Variants in LCLAT1 observed in about 807,000 individuals in gnomAD.
LCLAT1 encodes the protein 1-AGP acyltransferase 8.
A neutral mutation model predicts 30.7 loss-of-function variants in LCLAT1; 11 were observed. The ratio of observed to expected loss-of-function variants is 0.36; its 90% CI spans 0.23 to 0.59. The LOEUF is 0.59. Among genes scored for constraint, LCLAT1 ranks in the 20% least tolerant of loss-of-function variants. The pLI is 0.77. For synonymous variants in LCLAT1, 155 were observed against 151.3 expected (o/e 1.02, Z -0.18); for missense variants, 402 against 458.6 (o/e 0.88, Z 1.13).
chr2:30,617,478 A>T (rs1036469217), intron 5 of LCLAT1, among the ~76,000 whole-genome samples: 1 of 152,224 alleles, frequency 6.6e-6, no homozygotes, highest in Non-Finnish European at 1.5e-5. Context: ...GATACTATGT[A>T]TAAAATTGCT....
intron 1 of LCLAT1, among the ~76,000 whole-genome samples, chr2:30,455,909 CAAAAAAAAAAAA>C (rs3060184): frequency 1.6e-5 from 1 of 61,000 alleles, no homozygotes; most frequent in East Asian, 5.7e-4. Context: ...GACCCTATAT[CAAAAAAAAAAAA>C]AAAAAAAAAA....
intron 1 of LCLAT1, among the ~76,000 whole-genome samples, chr2:30,511,240 C>T (rs1488548745): frequency 6.6e-6 from 1 of 152,136 alleles, no homozygotes; most frequent in African/African-American, 2.4e-5. Context: ...TTTTCGAACT[C>T]CTGACCTCAA....
chr2:30,459,733 G>A lies in LCLAT1; in HGVS notation c.-5+12350G>A, dbSNP rs760723164. ...CTCTAAAAGCTTTGGGTAAGTCTTT[G>A]TAATGATTTAGATGCTTGAGGTTTT... On this transcript the variant is annotated intron_variant, in intron 1 of 5. Coordinates refer to ENST00000379509, the MANE Select transcript of LCLAT1 (RefSeq NM_001002257.3). 65 of 1,583,482 alleles carry A rather than the reference G, an allele frequency of 4.1e-5. 1 individual carries two copies. In the South Asian group the frequency reaches 7.1e-4, roughly 17 times the overall value.
chr2:30,548,541 T>A (rs982943553), intron 3 of LCLAT1, among the ~76,000 whole-genome samples: 1 of 152,140 alleles, frequency 6.6e-6, no homozygotes, highest in African/African-American at 2.4e-5. Context: ...GGTAAAGGAT[T>A]GCGGAGACCA....
chr2:30,574,723 C>G (rs1235565301), intron 5 of LCLAT1, among the ~76,000 whole-genome samples: 11 of 152,154 alleles, frequency 7.2e-5, no homozygotes, highest in Non-Finnish European at 1.5e-5. Flanking sequence ...AATTAGTTCA[C>G]ACTGAGTTTG....
At chr2:30,470,716 T>C (rs1382173164) in intron 1 of LCLAT1, among the ~76,000 whole-genome samples, 1 of 152,200 alleles carries the variant, frequency 6.6e-6, no homozygotes, top group Non-Finnish European at 1.5e-5. Context: ...TCCAACTTTG[T>C]TCTTTTTCAG....
At chr2:30,526,118 TC>T (rs1369432298) in intron 2 of LCLAT1, among the ~76,000 whole-genome samples, 2 of 152,182 alleles carry the variant, frequency 1.3e-5, no homozygotes, top group Non-Finnish European at 2.9e-5. Context: ...TTTGCTGTGT[TC>T]CATTGGGCTT....
At chr2:30,527,151 G>A (rs544750182) in intron 2 of LCLAT1, among the ~76,000 whole-genome samples, 16 of 152,128 alleles carry the variant, frequency 1.1e-4, no homozygotes, top group Non-Finnish European at 2.2e-4. Flanking sequence ...TGTATGTTAA[G>A]TAATTTTGCT....
At chr2:30,454,674 C>G (rs1681734189) in intron 1 of LCLAT1, among the ~76,000 whole-genome samples, 1 of 151,326 alleles carries the variant, frequency 6.6e-6, no homozygotes, top group Non-Finnish European at 1.5e-5. Context: ...GTCCCGAACT[C>G]CTGAGCTCAA....
chr2:30,582,528 A>C (rs1187404373), intron 5 of LCLAT1, among the ~76,000 whole-genome samples: 3 of 152,242 alleles, frequency 2.0e-5, no homozygotes, highest in Non-Finnish European at 4.4e-5. Flanking sequence ...TGCCAAGCAC[A>C]ATCTCTGTTG....
In LCLAT1 at chr2:30,641,771, G is replaced by A. The variant is rs1214189533; in HGVS notation, c.*1152G>A. The A allele has an allele frequency of 6.6e-6, 1 of 152,004 alleles. No homozygotes were observed. The highest frequency in any genetic ancestry group is 1.5e-5 in the Non-Finnish European group (1 of 67,994). The allele number at this position is 152,004 out of a possible 1,614,324, so 9.4% of individuals were successfully genotyped here. On this transcript the variant is annotated 3_prime_UTR_variant, in exon 6 of 6. Transcript: ENST00000379509. ...TATTTAAACCCACTTTTGACCAATT[G>A]TTTGCCCAAATATTCTTGTCATTTG...
intron 5 of LCLAT1, among the ~76,000 whole-genome samples, chr2:30,571,518 A>G (rs532000997): frequency 6.6e-6 from 1 of 152,342 alleles, no homozygotes; most frequent in Admixed American, 6.5e-5. Context: ...ACAACTAGCT[A>G]ACAGTCCAGT....
At chr2:30,622,777 AC>A (rs1340286129) in intron 5 of LCLAT1, among the ~76,000 whole-genome samples, 8 of 152,110 alleles carry the variant, frequency 5.3e-5, no homozygotes, top group Non-Finnish European at 1.0e-4. Context: ...TCAAGGGAGC[AC>A]CCCATGGGAC....
At position 30,599,314 on chromosome 2, in the gene LCLAT1, T is replaced by TTGA. The variant is rs565448730; in HGVS notation, c.628+31140_628+31142dup. ...TTCATTAATCTGAGTTCTAATTAAT[T>TTGA]TGATTGTGCTGTGGTCTGAGAGACT... On this transcript the variant is annotated intron_variant, in intron 5 of 5. Coordinates refer to ENST00000379509, the MANE Select transcript of LCLAT1 (RefSeq NM_001002257.3). Among the ~76,000 whole-genome samples, 514 of 152,254 alleles carry TTGA rather than the reference T, an allele frequency of 3.4e-3. 2 individuals carry two copies. The highest frequency in any genetic ancestry group is 6.0e-3 in the Non-Finnish European group (406 of 68,018).
At chr2:30,526,172 G>A (rs1386875265) in intron 2 of LCLAT1, among the ~76,000 whole-genome samples, 3 of 151,294 alleles carry the variant, frequency 2.0e-5, no homozygotes, top group African/African-American at 7.3e-5. Flanking sequence ...TTTTTAACTG[G>A]GAAATTTTAG....
chr2:30,531,409 C>T (rs781117468), intron 2 of LCLAT1, among the ~76,000 whole-genome samples: 6 of 152,112 alleles, frequency 3.9e-5, no homozygotes, highest in Non-Finnish European at 8.8e-5. Flanking sequence ...ATTAGTTGAG[C>T]GGTTATGGAC....
chr2:30,469,460 A>G (rs1323458104), intron 1 of LCLAT1, among the ~76,000 whole-genome samples: 1 of 151,892 alleles, frequency 6.6e-6, no homozygotes, highest in Non-Finnish European at 1.5e-5. Flanking sequence ...ATCATTTGTT[A>G]CAGATATTGT....
At chr2:30,449,960 AT>A (rs1386520650) in intron 1 of LCLAT1, among the ~76,000 whole-genome samples, 1 of 151,794 alleles carries the variant, frequency 6.6e-6, no homozygotes, top group Non-Finnish European at 1.5e-5. Context: ...TCCAGTCTTT[AT>A]TTATTAATAA....
chr2:30,491,185 A>G (rs1683819425), intron 1 of LCLAT1, among the ~76,000 whole-genome samples: 1 of 152,234 alleles, frequency 6.6e-6, no homozygotes, highest in Non-Finnish European at 1.5e-5. Context: ...GACAGTATGT[A>G]TCTGGTAAAC....
Sources: gnomAD v4.1 joint callset for allele counts (sites outside exome capture counted in the v4.1 genomes callset) on GRCh38, gnomAD v4.1.1 for gene constraint, MANE v1.5 for transcripts, NCBI Gene and HGNC (gene_info 2026-07-23, HGNC 2026-07-21) for gene names.